COL21A1: variants seen among roughly 807,000 people sequenced by gnomAD.
The protein encoded by COL21A1 is collagen type XXI alpha 1 chain, also known as collagen alpha-1(XXI) chain.
Under a neutral mutation model 137.9 loss-of-function variants are expected in COL21A1, and 149 were observed. That is an observed-to-expected ratio of 1.08 (90% CI 0.95 to 1.24). The LOEUF is 1.24. Ranked by LOEUF, COL21A1 falls within the 50% of genes most tolerant of loss-of-function variation. COL21A1 has a pLI of 0.00. For missense variants in COL21A1, 1,167 were observed against 1,158.4 expected (o/e 1.01, Z -0.11); for synonymous variants, 456 against 391.5 (o/e 1.16, Z -1.95).
intron 16 of COL21A1, among the ~76,000 whole-genome samples, chr6:56,122,802 T>C (rs934410074): frequency 6.6e-6 from 1 of 152,184 alleles, no homozygotes; most frequent in Non-Finnish European, 1.5e-5. Flanking sequence ...TGCCAGGAAC[T>C]GTGCTGGGTG....
intron 17 of COL21A1, among the ~76,000 whole-genome samples, chr6:56,079,370 A>C (rs958110498): frequency 1.3e-5 from 2 of 151,746 alleles, no homozygotes; most frequent in African/African-American, 4.8e-5. Flanking sequence ...TTAATTATTT[A>C]AAGTTTTTAT....
At chr6:56,297,658 G>A (rs1404688084) in intron 1 of COL21A1, among the ~76,000 whole-genome samples, 1 of 152,046 alleles carries the variant, frequency 6.6e-6, no homozygotes, top group Non-Finnish European at 1.5e-5. Flanking sequence ...TGATGGCAAT[G>A]TGAAAAGTAA....
chr6:56,339,626 T>C (rs1765422812), intron 1 of COL21A1, among the ~76,000 whole-genome samples: 1 of 152,252 alleles, frequency 6.6e-6, no homozygotes, highest in South Asian at 2.1e-4. Context: ...GCGACTCAGT[T>C]CACTTTTGAA....
intron 1 of COL21A1, among the ~76,000 whole-genome samples, chr6:56,358,481 T>C (rs1765889235): frequency 6.6e-6 from 1 of 152,112 alleles, no homozygotes; most frequent in South Asian, 2.1e-4. Context: ...ATTTATATCT[T>C]CCCTTCTCCT....
chr6:56,237,646 C>A (rs1401797417), intron 1 of COL21A1, among the ~76,000 whole-genome samples: 1 of 152,022 alleles, frequency 6.6e-6, no homozygotes, highest in Non-Finnish European at 1.5e-5. Flanking sequence ...AATTAGTCAA[C>A]CTTAGCATTT....
intron 1 of COL21A1, among the ~76,000 whole-genome samples, chr6:56,299,717 C>A (rs930394207): frequency 1.3e-5 from 2 of 151,812 alleles, no homozygotes; most frequent in African/African-American, 4.8e-5. Context: ...TTCTGGTTTC[C>A]CCTAATTATT....
At chr6:56,332,523 T>C (rs1208966358) in intron 1 of COL21A1, among the ~76,000 whole-genome samples, 1 of 151,702 alleles carries the variant, frequency 6.6e-6, no homozygotes, top group Non-Finnish European at 1.5e-5. Context: ...AATAGATTAC[T>C]ATGGTATGGA....
chr6:56,286,837 T>C (rs1389006146), intron 1 of COL21A1, among the ~76,000 whole-genome samples: 3 of 152,182 alleles, frequency 2.0e-5, no homozygotes, highest in Non-Finnish European at 1.5e-5. Context: ...CTCCTAACAT[T>C]CTATAGAAAT....
chr6:56,377,060 C>T (rs2094000710), intron 1 of COL21A1, among the ~76,000 whole-genome samples: 1 of 151,622 alleles, frequency 6.6e-6, no homozygotes, highest in Non-Finnish European at 1.5e-5. Flanking sequence ...TCACTGCAAC[C>T]TCCACCTGCC....
chr6:56,321,874 A>T (rs896755587), intron 1 of COL21A1, among the ~76,000 whole-genome samples: 3 of 152,172 alleles, frequency 2.0e-5, no homozygotes, highest in African/African-American at 7.2e-5. Context: ...CAAATTGGAA[A>T]GGTGAAAAAG....
At chr6:56,166,272 C>T (rs144788028) in intron 7 of COL21A1, among the ~76,000 whole-genome samples, 240 of 152,216 alleles carry the variant, frequency 1.6e-3, no homozygotes, top group African/African-American at 5.4e-3. Context: ...CACACACTGA[C>T]ATTCAAAGCA....
chr6:56,296,136 AT>A (rs1764159074), intron 1 of COL21A1, among the ~76,000 whole-genome samples: 1 of 151,958 alleles, frequency 6.6e-6, no homozygotes, highest in Admixed American at 6.6e-5. Context: ...ATATTGGTTG[AT>A]TTTAATGTAA....
intron 1 of COL21A1, among the ~76,000 whole-genome samples, chr6:56,345,176 A>G (rs1765567659): frequency 6.6e-6 from 1 of 152,182 alleles, no homozygotes; most frequent in Non-Finnish European, 1.5e-5. Flanking sequence ...TTATCTTACC[A>G]AAGAGCAACA....
chr6:56,244,300 C>T (rs981826367), intron 1 of COL21A1, among the ~76,000 whole-genome samples: 3 of 152,168 alleles, frequency 2.0e-5, no homozygotes, highest in African/African-American at 7.2e-5. Flanking sequence ...CAGTGCTGCC[C>T]CATCTGTCAC....
intron 24 of COL21A1, 57 bp from the exon 25 acceptor site, chr6:56,061,738 G>A (rs894938409): frequency 2.6e-6 from 3 of 1,147,050 alleles, no homozygotes; most frequent in East Asian, 2.6e-5. Context: ...ACTGTAATGT[G>A]GCATCCACCT....
intron 12 of COL21A1, among the ~76,000 whole-genome samples, chr6:56,131,205 G>T (rs111739115): frequency 0.015 from 2,212 of 152,046 alleles, 52 homozygotes; most frequent in African/African-American, 0.051. Context: ...TGAAATAATT[G>T]ATAAAAAGCC....
At chr6:56,116,719 C>A (rs977017323) in intron 16 of COL21A1, among the ~76,000 whole-genome samples, 9 of 151,664 alleles carry the variant, frequency 5.9e-5, no homozygotes, top group African/African-American at 2.2e-4. Context: ...AAATAATGAA[C>A]CAATCAAAAA....
intron 20 of COL21A1, among the ~76,000 whole-genome samples, chr6:56,073,339 G>A (rs1302252306): frequency 6.6e-6 from 1 of 151,282 alleles, no homozygotes; most frequent in Non-Finnish European, 1.5e-5. Flanking sequence ...GATCCACAAG[G>A]GTCTACCACT....
At chr6:56,211,844 C>T (rs960198049) in intron 1 of COL21A1, among the ~76,000 whole-genome samples, 1 of 152,118 alleles carries the variant, frequency 6.6e-6, no homozygotes, top group East Asian at 1.9e-4. Flanking sequence ...ATACATCAAT[C>T]TATACCACTT....
Sources: allele counts gnomAD v4.1 joint callset (sites outside exome capture counted in the v4.1 genomes callset), GRCh38; gene constraint gnomAD v4.1.1; transcripts MANE v1.5; gene names NCBI Gene and HGNC (gene_info 2026-07-23, HGNC 2026-07-21).